Variants in ANKFN1 observed in about 807,000 individuals in gnomAD.
ANKFN1 encodes the protein ankyrin repeat and fibronectin type III domain containing 1.
In ANKFN1, 74 loss-of-function variants were observed where a neutral mutation model predicts 108.7. The ratio of observed to expected loss-of-function variants is 0.68; its 90% confidence interval spans 0.56 to 0.83. The LOEUF is 0.83. Among genes scored for constraint, ANKFN1 ranks in the 40% least tolerant of loss-of-function variants. ANKFN1 has a pLI of 0.00. For missense variants in ANKFN1, 1,505 were observed against 1,382.3 expected, an observed-to-expected ratio of 1.09 and a Z score of -1.41; for synonymous variants, 547 against 516.2, an observed-to-expected ratio of 1.06 and a Z score of -0.81.
chr17:56,123,847 G>A (rs1463667700), intron 4 of ANKFN1, among the ~76,000 whole-genome samples: 1 of 151,292 alleles, frequency 6.6e-6, no homozygotes, highest in African/African-American at 2.4e-5. Context: ...CACAGAGAGA[G>A]AGAGAGAGAG....
At position 56,225,239 on chromosome 17, in the gene ANKFN1, C is replaced by A. The variant is rs150042647; in HGVS notation, c.13-2678C>A. On this transcript the variant is annotated intron_variant, in intron 2 of 20. Transcript: ENST00000682825. ...ACATTCCCCATCTGCCTTCTTATGT[C>A]CTGCTCTAGCGTAAGAATAATATCT... Among the ~76,000 whole-genome samples, 516 of 152,210 alleles carry A rather than the reference C, an allele frequency of 3.4e-3. 1 individual carries two copies. Among genetic ancestry groups the A allele is most frequent in the Non-Finnish European group, 5.5e-3 (373 of 67,996 alleles).
At chr17:56,178,931 C>T (rs1911425817) in intron 1 of ANKFN1, among the ~76,000 whole-genome samples, 1 of 152,092 alleles carries the variant, frequency 6.6e-6, no homozygotes, top group Admixed American at 6.6e-5. Flanking sequence ...ATTTTCTACG[C>T]AATATTCTCC....
At chr17:56,137,683 A>T (rs994574023) in intron 4 of ANKFN1, among the ~76,000 whole-genome samples, 1 of 152,198 alleles carries the variant, frequency 6.6e-6, no homozygotes, top group Admixed American at 6.5e-5. Flanking sequence ...ATTGCAATAA[A>T]GGGAAAGAGA....
intron 3 of ANKFN1, among the ~76,000 whole-genome samples, chr17:56,256,658 A>T (rs993510260): frequency 6.6e-6 from 1 of 152,208 alleles, no homozygotes; most frequent in Admixed American, 6.6e-5. Context: ...CCCCATATTA[A>T]GGACCAATTA....
chr17:56,066,196 A>G (rs1368685039), intron 4 of ANKFN1, among the ~76,000 whole-genome samples: 1 of 152,202 alleles, frequency 6.6e-6, no homozygotes, highest in Non-Finnish European at 1.5e-5. Flanking sequence ...ATCACCTCCC[A>G]TTCCTGGTAG....
At chr17:56,262,533 C>G (rs2043540440) in intron 3 of ANKFN1, among the ~76,000 whole-genome samples, 1 of 152,188 alleles carries the variant, frequency 6.6e-6, no homozygotes, top group African/African-American at 2.4e-5. Flanking sequence ...TTACCCATTT[C>G]AAGTCAAGAC....
intron 1 of ANKFN1, among the ~76,000 whole-genome samples, chr17:56,170,807 T>TATATATATATACACACACACACACACAC (rs1361307404): frequency 1.5e-4 from 9 of 61,458 alleles, no homozygotes; most frequent in South Asian, 1.8e-3. Context: ...TATATATATA[T>TATATATATATACACACACACACACACAC]ACACACACAC....
chr17:56,227,849 C>T (rs528849076), intron 2 of ANKFN1, 68 bp from the exon 3 acceptor site: 1 of 1,273,932 alleles, frequency 7.8e-7, no homozygotes, highest in East Asian at 2.5e-5. Context: ...TCAAACGTGA[C>T]TCCTTTTTCA....
chr17:56,515,578 G>A lies in ANKFN1; in HGVS notation c.*4309G>A, dbSNP rs186919999. On this transcript the variant is annotated 3_prime_UTR_variant, in exon 21 of 21. Coordinates refer to ENST00000682825, the MANE Select transcript of ANKFN1 (RefSeq NM_001370326.1). ...TGACTGTTAAGCTAAACTTCAATGC[G>A]GCCTTACAAACAACAAGGGTAGTGT... 5.8e-4 allele frequency among the ~76,000 whole-genome samples: 89 copies of A among 152,170 alleles called. No homozygotes were observed. Among genetic ancestry groups the A allele is most frequent in the Admixed American group, 8.5e-4 (13 of 15,278 alleles).
intron 15 of ANKFN1, among the ~76,000 whole-genome samples, chr17:56,470,731 G>A (rs1465175613): frequency 6.6e-6 from 1 of 152,176 alleles, no homozygotes; most frequent in Non-Finnish European, 1.5e-5. Context: ...GGAAACTCCA[G>A]TGTCCAACTC....
At chr17:56,150,938 C>G (rs765426903), upstream of ANKFN1, among the ~76,000 whole-genome samples, 1 of 152,054 alleles carries the variant, frequency 6.6e-6, no homozygotes, top group Non-Finnish European at 1.5e-5. Flanking sequence ...TTTGGGACAC[C>G]GGGGAAGTGA....
In ANKFN1 at chr17:56,456,879, C is replaced by T. The variant is rs1463855976; in HGVS notation, c.1226C>T (p.Thr409Ile). 1 of 1,614,038 alleles carries T rather than the reference C, an allele frequency of 6.2e-7. No homozygotes were observed. Among genetic ancestry groups the T allele is most frequent in the Non-Finnish European group, 8.5e-7 (1 of 1,179,982 alleles). Residue 409 changes from threonine (T) to isoleucine (I), a missense_variant, in exon 12 of 21, where the codon ACC (threonine) becomes ATC (isoleucine). Thr to Ile is a moderately conservative substitution (Grantham distance 89). Transcript: ENST00000682825. ...ATTCCAGAAAGCACAAAATTACAAA[C>T]CACAGGCCGCAAGCAGTCAGTCTCA... ...YSCRESTKLQTTGRKQSVSRS... is the reference protein window; with the variant it reads ...YSCRESTKLQITGRKQSVSRS...
rs1474237795 is a variant in ANKFN1, at chr17:56,350,977, CTG to C, written c.390+12_390+13del. On this transcript the variant is annotated intron_variant, in intron 5 of 20. Transcript: ENST00000682825. Reference sequence around the variant, plus strand: ...CAGGAAGACCTCGGTGGTAACAAAACTGTTTTTATTCTTGTGTCAGTTTGATT... The same window carrying C: ...CAGGAAGACCTCGGTGGTAACAAAACTTTTTATTCTTGTGTCAGTTTGATT... The C allele has an allele frequency of 1.2e-6, 2 of 1,611,948 alleles. No individual in the cohort carries two copies.
chr17:56,178,675 G>A (rs4794625), intron 1 of ANKFN1, among the ~76,000 whole-genome samples: 47,925 of 151,836 alleles, frequency 0.32, 9,044 homozygotes, highest in East Asian at 0.51. Context: ...CAGGGTGGGC[G>A]GGAATGACAT....
At chr17:56,312,634 G>T (rs1335280306) in intron 3 of ANKFN1, among the ~76,000 whole-genome samples, 1 of 152,094 alleles carries the variant, frequency 6.6e-6, no homozygotes, top group Non-Finnish European at 1.5e-5. Flanking sequence ...CTGCTGGAAA[G>T]GTCACTAGCT....
Position 56,457,239 on chromosome 17 carries a change from T to C in ANKFN1, c.1308-18T>C, listed in dbSNP as rs780854288. 1 of 1,541,886 alleles carries C rather than the reference T, an allele frequency of 6.5e-7. No homozygotes were observed. Among genetic ancestry groups the C allele is most frequent in the Admixed American group, 2.2e-5 (1 of 44,668 alleles). The stretch of plus-strand genomic sequence containing the variant: ...AGATGGTTGAGGACAATGCTTTTAT[T>C]TTCCTTTTTCTTTTTAGGGGACTCT... On this transcript the variant is annotated intron_variant, in intron 12 of 20. Transcript: ENST00000682825.
intron 3 of ANKFN1, among the ~76,000 whole-genome samples, chr17:56,315,489 C>G (rs1326711207): frequency 2.0e-5 from 3 of 152,202 alleles, no homozygotes; most frequent in Non-Finnish European, 4.4e-5. Context: ...ACAGAAGGTG[C>G]CTGTTGCTGT....
chr17:56,267,328 A>C lies in ANKFN1; in HGVS notation c.53+39371A>C, dbSNP rs531124464. ...AATGTCCTTATAGATTATGGATATC[A>C]GATCTTTGTTGGGTGCATTCTCCCC... On this transcript the variant is annotated intron_variant, in intron 3 of 20. Transcript: ENST00000682825. Among the ~76,000 whole-genome samples, 29 of 152,262 alleles carry C rather than the reference A, an allele frequency of 1.9e-4. No individual in the cohort carries two copies. The South Asian group carries it at 6.0e-3, about 32-fold the overall frequency.
At chr17:56,334,838 C>G (rs188839044) in intron 4 of ANKFN1, among the ~76,000 whole-genome samples, 29 of 152,236 alleles carry the variant, frequency 1.9e-4, no homozygotes, top group Admixed American at 1.5e-3. Context: ...AGGTTTTCTT[C>G]TAGGGTTTTT....
Sources: gnomAD v4.1 joint callset for allele counts (sites outside exome capture counted in the v4.1 genomes callset) on GRCh38, gnomAD v4.1.1 for gene constraint, MANE v1.5 for transcripts, NCBI Gene and HGNC (gene_info 2026-07-23, HGNC 2026-07-21) for gene names.